The following MICU3 variants were observed in gnomAD, a reference collection of about 807,000 sequenced individuals.
MICU3 encodes calcium uptake protein 3, mitochondrial.
Under a neutral mutation model 66.5 loss-of-function variants are expected in MICU3, and 62 were observed. The ratio of observed to expected loss-of-function variants is 0.93; its 90% CI spans 0.76 to 1.15. The LOEUF (loss-of-function observed/expected upper bound fraction) is 1.15, where lower values mean the gene tolerates loss of function less well. Ranked by LOEUF, MICU3 falls within the 50% of genes most tolerant of loss-of-function variation. The probability of loss-of-function intolerance (pLI) is 0.00; values close to 1 mark genes in which losing one functional copy is unlikely to be tolerated. For synonymous variants in MICU3, 308 were observed against 240.7 expected (o/e 1.28, Z -2.59); for missense variants, 779 against 664.4 (o/e 1.17, Z -1.90).
In MICU3 at chr8:17,064,218, T is replaced by TA. The variant is rs1288577972; in HGVS notation, c.517dup (p.Thr173AsnfsTer4). ...CTCCGTATGATTTTATTTTGGCTGT[T>TA]ACAACAGATGAGCCCAAAGGTAAGT... is the stretch of plus-strand genomic sequence containing the variant. On this transcript the variant is annotated frameshift_variant, in exon 2 of 15. Transcript: ENST00000318063. LOFTEE classifies it high-confidence loss of function. 1.2e-6 allele frequency: 2 copies of TA among 1,612,254 alleles called. No individual in the cohort carries two copies. Among genetic ancestry groups the TA allele is most frequent in the South Asian group, 1.1e-5 (1 of 90,734 alleles).
At chr8:17,096,955 T>TG (rs1800762152) in intron 8 of MICU3, among the ~76,000 whole-genome samples, 5 of 141,548 alleles carry the variant, frequency 3.5e-5, no homozygotes, top group Admixed American at 7.1e-5. Context: ...CTAAATATAT[T>TG]TGTGTGTGTG....
At chr8:17,058,362 C>G (rs374594360) in intron 1 of MICU3, among the ~76,000 whole-genome samples, 3 of 152,096 alleles carry the variant, frequency 2.0e-5, no homozygotes, top group Non-Finnish European at 4.4e-5. Context: ...AGGATATACA[C>G]CTAATCACAG....
rs760323323 is a variant in MICU3, at chr8:17,114,199, A to G, written c.1364A>G (p.Gln455Arg). The part of the protein sequence containing the change: ...MYNFASRSIG[Q>R]DEFKRAVYVA... ...AACTTTGCAAGTCGTTCTATAGGGC[A>G]AGGTAAGTAATCATCTACAAAAATT... Residue 455 changes from glutamine (Q) to arginine (R), a missense_variant and splice_region_variant, in exon 12 of 15, where the codon CAA (glutamine) becomes CGA (arginine). By Grantham distance (43) the Gln-to-Arg change is conservative (BLOSUM62 1). Coordinates refer to ENST00000318063, the MANE Select transcript of MICU3 (RefSeq NM_181723.3). 3.8e-6 allele frequency: 6 copies of G among 1,571,798 alleles called. No homozygotes were observed. Among genetic ancestry groups the G allele is most frequent in the Admixed American group, 1.7e-5 (1 of 58,742 alleles).
chr8:17,033,848 A>C (rs1359510097), intron 1 of MICU3, among the ~76,000 whole-genome samples: 1 of 152,246 alleles, frequency 6.6e-6, no homozygotes, highest in Non-Finnish European at 1.5e-5. Flanking sequence ...TCTCCATAAC[A>C]TAAAAGTGCA....
At chr8:17,063,916 T>C (rs926512358) in intron 1 of MICU3, among the ~76,000 whole-genome samples, 168 bp from the exon 2 acceptor site, 6 of 152,226 alleles carry the variant, frequency 3.9e-5, no homozygotes, top group Non-Finnish European at 8.8e-5. Flanking sequence ...TTAATTTATT[T>C]TATTTATGTG....
chr8:17,027,553 G>C lies in MICU3; in HGVS notation c.274G>C (p.Gly92Arg), dbSNP rs28539976. Residue 92 changes from glycine to arginine, a missense_variant, in exon 1 of 15, where the codon GGC (glycine) becomes CGC (arginine). Gly to Arg is a moderately radical substitution (Grantham distance 125). Coordinates refer to ENST00000318063, the MANE Select transcript of MICU3 (RefSeq NM_181723.3). ...CCAGCTGTACGGGGACCCCAGGGCC[G>C]GCTCGCCGGCGACCGGGCGACCCTC... ...CYQLYGDPRA[G>R]SPATGRPSKS... 0.015 allele frequency: 19,301 copies of C among 1,279,754 alleles called. 2,438 individuals carry two copies. In the African/African-American group the frequency reaches 0.27, roughly 18 times the overall value. 79.3% of individuals were successfully genotyped at this position (1,279,754 alleles called of 1,614,324 possible).
intron 10 of MICU3, 151 bp downstream of exon 10, chr8:17,104,642 A>C: frequency 2.5e-6 from 1 of 407,284 alleles, no homozygotes; most frequent in East Asian, 3.6e-5. Context: ...ATTTATCAGT[A>C]CCTACATACC....
intron 12 of MICU3, 30 bp from the exon 13 acceptor site, chr8:17,116,413 C>T (rs756538619): frequency 1.7e-5 from 22 of 1,333,220 alleles, no homozygotes; most frequent in Non-Finnish European, 2.0e-5. Flanking sequence ...TAATAACAGT[C>T]TATTCTTTTT....
At chr8:17,068,251 A>G (rs1260794388) in intron 2 of MICU3, among the ~76,000 whole-genome samples, 4 of 152,166 alleles carry the variant, frequency 2.6e-5, no homozygotes, top group Non-Finnish European at 5.9e-5. Flanking sequence ...ATGGCTCTTT[A>G]GTCTTTATTT....
At chr8:17,042,830 A>G (rs578167454) in intron 1 of MICU3, among the ~76,000 whole-genome samples, 1 of 151,942 alleles carries the variant, frequency 6.6e-6, no homozygotes, top group East Asian at 1.9e-4. Context: ...ATATCTATCC[A>G]GTTGACACTG....
At chr8:17,034,315 C>T (rs527737188) in intron 1 of MICU3, among the ~76,000 whole-genome samples, 2 of 152,312 alleles carry the variant, frequency 1.3e-5, no homozygotes, top group South Asian at 2.1e-4. Context: ...TGACAATGTA[C>T]GTAGTCACCC....
intron 8 of MICU3, among the ~76,000 whole-genome samples, chr8:17,091,540 C>A (rs1800055810): frequency 6.6e-6 from 1 of 152,124 alleles, no homozygotes; most frequent in South Asian, 2.1e-4. Flanking sequence ...AAAACTAATT[C>A]TGTTACAGAT....
At chr8:17,086,915 C>T (rs778912281) in intron 6 of MICU3, 49 bp from the exon 7 acceptor site, 58 of 1,260,954 alleles carry the variant, frequency 4.6e-5, no homozygotes, top group Non-Finnish European at 6.6e-5. Flanking sequence ...TAGATAGGTG[C>T]CCAGAAACTC....
chr8:17,034,874 A>G (rs1812710836), intron 1 of MICU3, among the ~76,000 whole-genome samples: 4 of 152,254 alleles, frequency 2.6e-5, no homozygotes. Context: ...AAGATTTGGA[A>G]TATTCCATGA....
rs566252616 is a variant in MICU3 at position 17,112,676 on chromosome 8, A to T, written c.1258-1417A>T. ...TTGAACATTATAGTCTGTCATTTTT[A>T]AATTTATTTCTTAATCTCATGTCTG... On this transcript the variant is annotated intron_variant, in intron 11 of 14. Coordinates refer to ENST00000318063, the MANE Select transcript of MICU3 (RefSeq NM_181723.3). Among the ~76,000 whole-genome samples the T allele has an allele frequency of 5.9e-5, 9 of 152,334 alleles. No homozygotes were observed. The South Asian group carries it at 1.9e-3, about 32-fold the overall frequency.
chr8:17,032,049 T>G (rs1403922178), intron 1 of MICU3, among the ~76,000 whole-genome samples: 1 of 152,266 alleles, frequency 6.6e-6, no homozygotes, highest in African/African-American at 2.4e-5. Flanking sequence ...ATGTATTTGT[T>G]GAATAAATAA....
chr8:17,045,903 C>A (rs1445517363), intron 1 of MICU3, among the ~76,000 whole-genome samples: 2 of 152,142 alleles, frequency 1.3e-5, no homozygotes, highest in African/African-American at 4.8e-5. Context: ...GAAAGACCCG[C>A]CCCCATGATT....
chr8:17,092,156 G>A (rs1329517485), intron 8 of MICU3, among the ~76,000 whole-genome samples: 2 of 151,962 alleles, frequency 1.3e-5, no homozygotes, highest in Admixed American at 6.6e-5. Flanking sequence ...GATTACACGC[G>A]TGAGCTACTG....
chr8:17,101,724 A>G (rs184926542), intron 9 of MICU3, among the ~76,000 whole-genome samples: 378 of 152,026 alleles, frequency 2.5e-3, no homozygotes, highest in African/African-American at 8.7e-3. Context: ...GTGTTCCTGT[A>G]ACCACTCATT....
Sources: allele counts gnomAD v4.1 joint callset (sites outside exome capture counted in the v4.1 genomes callset), GRCh38; gene constraint gnomAD v4.1.1; transcripts MANE v1.5; gene names NCBI Gene and HGNC (gene_info 2026-07-23, HGNC 2026-07-21).